The following RYR2 variants were observed in gnomAD, a reference collection of about 807,000 sequenced individuals.
RYR2 encodes ryanodine receptor 2.
RYR2 carries 227 observed loss-of-function variants against 601.1 expected under a neutral mutation model. The observed-to-expected ratio is 0.38, with a 90% CI of 0.34 to 0.42. The LOEUF (loss-of-function observed/expected upper bound fraction) is 0.42. Ranked by LOEUF, RYR2 falls within the 10% of genes least tolerant of loss-of-function variation. The probability of loss-of-function intolerance (pLI) is 1.00; values close to 1 mark genes in which losing one functional copy is unlikely to be tolerated. For missense variants in RYR2, 4,646 were observed against 6,156.5 expected (o/e 0.75, Z 8.21); for synonymous variants, 2,223 against 2,175.1 (o/e 1.02, Z -0.61).
chr1:237,792,396 T>TGA, intron 94 of RYR2, 73 bp downstream of exon 94: 1 of 697,890 alleles, frequency 1.4e-6, no homozygotes, highest in Non-Finnish European at 2.2e-6. Context: ...TGTGTGTGTG[T>TGA]GCGTGTGTGT....
intron 1 of RYR2, among the ~76,000 whole-genome samples, chr1:237,145,664 C>A (rs1673924977): frequency 6.6e-6 from 1 of 152,124 alleles, no homozygotes; most frequent in Admixed American, 6.5e-5. Flanking sequence ...TGGATATAGA[C>A]CTACTATACC....
intron 35 of RYR2, among the ~76,000 whole-genome samples, chr1:237,604,809 C>G (rs1676922857): frequency 1.3e-5 from 2 of 152,084 alleles, no homozygotes. Flanking sequence ...TGCAAATAAA[C>G]TAGAAAATCT....
intron 34 of RYR2, among the ~76,000 whole-genome samples, chr1:237,600,523 T>A (rs1416879586): frequency 2.0e-5 from 3 of 152,126 alleles, no homozygotes; most frequent in Non-Finnish European, 4.4e-5. Context: ...GGGAAACACT[T>A]CATGACATTG....
chr1:237,169,519 C>T (rs796423149), intron 1 of RYR2, among the ~76,000 whole-genome samples: 1 of 105,336 alleles, frequency 9.5e-6, no homozygotes, highest in African/African-American at 3.3e-5. Context: ...AGGCTGGTCT[C>T]GAACTCCTGA....
chr1:237,486,487 T>C (rs1031859250), intron 17 of RYR2, among the ~76,000 whole-genome samples: 11 of 152,160 alleles, frequency 7.2e-5, no homozygotes, highest in Non-Finnish European at 1.6e-4. Context: ...ACTTATGGAA[T>C]GAAAATAAGT....
At chr1:237,347,057 T>A (rs1048118152) in intron 3 of RYR2, among the ~76,000 whole-genome samples, 1 of 152,178 alleles carries the variant, frequency 6.6e-6, no homozygotes, top group Admixed American at 6.5e-5. Context: ...TTGGGCATGG[T>A]GGCTCACACC....
intron 16 of RYR2, among the ~76,000 whole-genome samples, chr1:237,464,400 G>A (rs1659829443): frequency 8.1e-6 from 1 of 124,060 alleles, no homozygotes; most frequent in Non-Finnish European, 1.8e-5. Context: ...TTCTTATTGA[G>A]CATTTGTGAT....
At chr1:237,264,705 T>A (rs565176675) in intron 1 of RYR2, among the ~76,000 whole-genome samples, 5,018 of 151,406 alleles carry the variant, frequency 0.033, 259 homozygotes, top group African/African-American at 0.11. Flanking sequence ...TATTATTTTT[T>A]TTTTTTTGAG....
intron 2 of RYR2, among the ~76,000 whole-genome samples, chr1:237,282,458 G>A (rs1189861155): frequency 6.6e-6 from 1 of 152,006 alleles, no homozygotes; most frequent in African/African-American, 2.4e-5. Flanking sequence ...CTTGGGCTGT[G>A]ATTTGGTCCA....
At chr1:237,359,440 T>A (rs1456302239) in intron 4 of RYR2, among the ~76,000 whole-genome samples, 1 of 152,194 alleles carries the variant, frequency 6.6e-6, no homozygotes. Context: ...TGTTTTGTTT[T>A]GGGACAGTGA....
rs538548964 is a variant in RYR2, at chr1:237,476,300, A to G, written c.1708+7113A>G. Among the ~76,000 whole-genome samples the G allele has an allele frequency of 2.5e-3, 382 of 152,120 alleles. 6 individuals carry two copies. Among genetic ancestry groups the G allele is most frequent in the African/African-American group, 8.8e-3 (364 of 41,482 alleles). On this transcript the variant is annotated intron_variant, in intron 17 of 104. Transcript: ENST00000366574. ...TGAGGTGGGTGGATCACCTGAGGTC[A>G]GGAGTTTGAAACCAGCCTGGCCAAC...
intron 40 of RYR2, 145 bp downstream of exon 40, chr1:237,625,949 C>A (rs1679599551): frequency 9.7e-6 from 8 of 828,260 alleles, no homozygotes; most frequent in Non-Finnish European, 1.5e-5. Flanking sequence ...ATGCCTGTAG[C>A]TCCCAGAAAT....
At chr1:237,377,164 C>G (rs1353416646) in intron 7 of RYR2, among the ~76,000 whole-genome samples, 159 bp from the exon 8 acceptor site, 1 of 152,184 alleles carries the variant, frequency 6.6e-6, no homozygotes, top group Non-Finnish European at 1.5e-5. Flanking sequence ...CTTATTTTAT[C>G]CTAAGCTAAG....
chr1:237,793,407 T>TA lies in RYR2; in HGVS notation c.13783-459dup, dbSNP rs557084583. On this transcript the variant is annotated intron_variant, in intron 94 of 104. Coordinates refer to ENST00000366574, the MANE Select transcript of RYR2 (RefSeq NM_001035.3). ...TTTTGCTGATGTCGAAATTAAAATT[T>TA]ATCTCAAAATAGTATGTGGTGATGC... Among the ~76,000 whole-genome samples, 607 of 152,346 alleles carry TA rather than the reference T, an allele frequency of 4.0e-3. 2 individuals are homozygous for TA. The highest frequency in any genetic ancestry group is 7.2e-3 in the South Asian group (35 of 4,830).
chr1:237,803,127 G>A (rs1660166573), intron 98 of RYR2, among the ~76,000 whole-genome samples: 1 of 152,084 alleles, frequency 6.6e-6, no homozygotes, highest in Non-Finnish European at 1.5e-5. Flanking sequence ...GCATAAGTAT[G>A]TCCCAAATTA....
intron 1 of RYR2, among the ~76,000 whole-genome samples, chr1:237,127,496 G>T (rs1300271678): frequency 6.6e-6 from 1 of 151,564 alleles, no homozygotes; most frequent in Non-Finnish European, 1.5e-5. Context: ...GGACGGGGCG[G>T]CTGGCCGGGC....
intron 8 of RYR2, among the ~76,000 whole-genome samples, chr1:237,383,778 A>G (rs951421032): frequency 2.0e-5 from 3 of 152,046 alleles, no homozygotes; most frequent in Non-Finnish European, 4.4e-5. Flanking sequence ...TCATGTGCCT[A>G]TTAGAGCTTG....
intron 1 of RYR2, among the ~76,000 whole-genome samples, chr1:237,211,222 T>C (rs914037852): frequency 6.6e-6 from 1 of 152,194 alleles, no homozygotes; most frequent in African/African-American, 2.4e-5. Context: ...CGTGGCTCTT[T>C]TCAAGTACAG....
At chr1:237,555,083 A>G (rs1670754494) in intron 27 of RYR2, 1 of 152,098 alleles carries the variant, frequency 6.6e-6, no homozygotes, top group African/African-American at 2.4e-5. Flanking sequence ...GAGTAGGACT[A>G]TGGCATCCTA....
Sources: allele counts gnomAD v4.1 joint callset (sites outside exome capture counted in the v4.1 genomes callset), GRCh38; gene constraint gnomAD v4.1.1; transcripts MANE v1.5; gene names NCBI Gene and HGNC (gene_info 2026-07-23, HGNC 2026-07-21).